Variants in FLNB observed in about 807,000 individuals in gnomAD.
FLNB encodes the protein filamin-B.
A neutral mutation model predicts 250.6 loss-of-function variants in FLNB; 111 were observed. The ratio of observed to expected loss-of-function variants is 0.44; its 90% CI spans 0.38 to 0.52. The LOEUF is 0.52. Ranked by LOEUF, FLNB falls within the 20% of genes least tolerant of loss-of-function variation. The pLI is 0.00. For missense variants in FLNB, 2,869 were observed against 3,447.8 expected (o/e 0.83, Z 4.20); for synonymous variants, 1,302 against 1,372.1 (o/e 0.95, Z 1.13).
intron 4 of FLNB, among the ~76,000 whole-genome samples, chr3:58,092,946 T>C (rs2097230672): frequency 6.6e-6 from 1 of 152,238 alleles, no homozygotes; most frequent in Admixed American, 6.5e-5. Context: ...CCTTCAATTC[T>C]GACACTATCT....
intron 31 of FLNB, 84 bp from the exon 32 acceptor site, chr3:58,143,389 T>G (rs191160290): frequency 1.3e-6 from 2 of 1,483,408 alleles, no homozygotes; most frequent in African/African-American, 1.4e-5. Context: ...AACCTTTATT[T>G]TGAATACATC....
Position 58,121,466 on chromosome 3 carries a change from A to C in FLNB, c.3089A>C (p.Tyr1030Ser). The change falls in exon 20 of 46, where the codon TAC becomes TCC. Residue 1030 changes from tyrosine (Y) to serine (S), a missense_variant. Around this residue, in one of 5 missense-constraint regions of FLNB, gnomAD observed 1,348 missense variants for 1,466.7 expected, o/e 0.92. Coordinates refer to ENST00000295956, the MANE Select transcript of FLNB (RefSeq NM_001457.4). ...GGACACCCTGTGCCCGGGAGCCCCT[A>C]CACAGTGGAGGCCTCGCTGCCACCA... ...YDGHPVPGSP[Y>S]TVEASLPPDP... is the part of the protein sequence containing the mutation. 1 of 1,614,118 alleles carries C rather than the reference A, an allele frequency of 6.2e-7. No individual in the cohort carries two copies. Among genetic ancestry groups the C allele is most frequent in the Non-Finnish European group, 8.5e-7 (1 of 1,180,024 alleles).
chr3:58,015,949 T>C (rs766743946), intron 1 of FLNB, among the ~76,000 whole-genome samples: 15 of 151,936 alleles, frequency 9.9e-5, no homozygotes, highest in Non-Finnish European at 2.1e-4. Flanking sequence ...AGTTTAGAGG[T>C]CTTGATGCTC....
chr3:58,008,456 G>A lies in FLNB; in HGVS notation c.-109G>A. 2 of 1,360,866 alleles carry A rather than the reference G, an allele frequency of 1.5e-6. No homozygotes were observed. Among genetic ancestry groups the A allele is most frequent in the African/African-American group, 2.9e-5 (2 of 69,496 alleles). 84.3% of individuals were successfully genotyped at this position (1,360,866 alleles called of 1,614,324 possible). On this transcript the variant is annotated 5_prime_UTR_variant, in exon 1 of 46. Transcript: ENST00000295956. ...CCGGCCGTGGCTCCGGTAGCAGCAAGTTCGAACCCCGCTCCCGCTCCGCTT... is the reference window on the plus strand; with the variant it reads ...CCGGCCGTGGCTCCGGTAGCAGCAAATTCGAACCCCGCTCCCGCTCCGCTT...
intron 1 of FLNB, among the ~76,000 whole-genome samples, chr3:58,053,032 C>CTAT (rs2097164903): frequency 1.3e-5 from 2 of 152,138 alleles, no homozygotes; most frequent in Non-Finnish European, 2.9e-5. Context: ...TAGACATTGT[C>CTAT]AGCCCATTTT....
chr3:58,102,125 T>G (rs1576720283), intron 8 of FLNB, 78 bp from the exon 9 acceptor site: 17 of 1,540,308 alleles, frequency 1.1e-5, no homozygotes, highest in East Asian at 6.8e-5. Context: ...TCTTGGCGGG[T>G]GGCTCCAGGT....
At position 58,138,477 on chromosome 3, in the gene FLNB, T is replaced by C; in HGVS notation, c.5057T>C (p.Ile1686Thr). ...GCTGCCAAGCCGGGCACATATGTGATCTATGTGCGCTTCGGTGGTGTTGAT... is the reference window on the plus strand; with the variant it reads ...GCTGCCAAGCCGGGCACATATGTGACCTATGTGCGCTTCGGTGGTGTTGAT... ...YTAAKPGTYV[I>T]YVRFGGVDIP... Residue 1686 changes from isoleucine (I) to threonine (T), a missense_variant, in exon 29 of 46, where the codon ATC (isoleucine) becomes ACC (threonine). This residue lies in a region of FLNB where 1,084 missense variants were observed against 1,315.5 expected (regional missense o/e 0.82). Coordinates refer to ENST00000295956, the MANE Select transcript of FLNB (RefSeq NM_001457.4). The C allele has an allele frequency of 6.2e-7, 1 of 1,613,996 alleles. No individual in the cohort carries two copies. Among genetic ancestry groups the C allele is most frequent in the Non-Finnish European group, 8.5e-7 (1 of 1,179,826 alleles).
rs1400090647 is a variant in FLNB, at chr3:58,097,869, G to A, written c.1039G>A (p.Val347Ile). Residue 347 changes from valine (V) to isoleucine (I), a missense_variant, in exon 7 of 46, where the codon GTT (valine) becomes ATT (isoleucine). Around this residue, in one of 5 missense-constraint regions of FLNB, gnomAD observed 308 missense variants for 466.1 expected, o/e 0.66. Coordinates refer to ENST00000295956, the MANE Select transcript of FLNB (RefSeq NM_001457.4). ...CTCCAAGAGCCCATTTGAAGTGAGT[G>A]TTGACAAGGCCCAGGGAGATGCCAG... ...HISKSPFEVS[V>I]DKAQGDASKV... The A allele has an allele frequency of 1.2e-6, 2 of 1,614,044 alleles. No individual in the cohort carries two copies. The highest frequency in any genetic ancestry group is 1.3e-5 in the African/African-American group (1 of 74,914).
rs542379363 is a variant in FLNB at position 58,142,142 on chromosome 3, C to T, written c.5181+213C>T. ...CCGTGCTCCACGAATCGCCAGCCGT[C>T]GTGTCTGTGATCACGCTCGGTGCAG... On this transcript the variant is annotated intron_variant, in intron 30 of 45. Coordinates refer to ENST00000295956, the MANE Select transcript of FLNB (RefSeq NM_001457.4). The surrounding 1 kb of genome is among the most constrained non-coding windows in gnomAD (Gnocchi z 4.3). Among the ~76,000 whole-genome samples the T allele has an allele frequency of 1.3e-5, 2 of 152,290 alleles. No homozygotes were observed. Among genetic ancestry groups the T allele is most frequent in the South Asian group, 2.1e-4 (1 of 4,816 alleles).
Position 58,136,003 on chromosome 3 carries a change from G to A in FLNB, c.4696G>A (p.Ala1566Thr). 1 of 1,614,154 alleles carries A rather than the reference G, an allele frequency of 6.2e-7. No individual in the cohort carries two copies. Among genetic ancestry groups the A allele is most frequent in the Non-Finnish European group, 8.5e-7 (1 of 1,180,016 alleles). ...GGACCAAGAAGGAAAACCCAAAAGA[G>A]CCATTGTCCATGACAATAAAGATGG... ...ITDQEGKPKRAIVHDNKDGTY... is the reference protein window; with the variant it reads ...ITDQEGKPKRTIVHDNKDGTY... The change falls in exon 28 of 46, where the codon GCC becomes ACC. Residue 1566 changes from alanine to threonine, a missense_variant. Ala to Thr is a moderately conservative substitution (Grantham distance 58). Transcript: ENST00000295956.
intron 1 of FLNB, among the ~76,000 whole-genome samples, chr3:58,067,582 T>TG (rs1367998689): frequency 8.7e-5 from 10 of 115,036 alleles, no homozygotes; most frequent in African/African-American, 1.2e-4. Context: ...GTTTTTTTTG[T>TG]TTGTTTTTTT....
At chr3:58,078,358 G>T in intron 2 of FLNB, 1 of 1,490,356 alleles carries the variant, frequency 6.7e-7, no homozygotes, top group Non-Finnish European at 8.9e-7. Context: ...TGCTATTCTA[G>T]ACTTTTTAGA....
intron 24 of FLNB, 59 bp from the exon 25 acceptor site, chr3:58,130,682 T>G: frequency 6.4e-7 from 1 of 1,563,764 alleles, no homozygotes; most frequent in South Asian, 1.2e-5. Context: ...ATTCTGGGTG[T>G]GCACAAGGTG....
rs758406599 is a variant in FLNB at position 58,146,871 on chromosome 3, T to A, written c.5606T>A (p.Ile1869Asn). Residue 1869 changes from isoleucine to asparagine, a missense_variant, in exon 34 of 46, where the codon ATT becomes AAT. Physicochemically the swap from Ile to Asn is moderately radical, Grantham distance 149 (BLOSUM62 -3). Coordinates refer to ENST00000295956, the MANE Select transcript of FLNB (RefSeq NM_001457.4). Reference protein sequence around the residue: ...EGPSKAEISCIDNKDGTCTVT... With the variant: ...EGPSKAEISCNDNKDGTCTVT... ...CCCTCAAAAGCAGAAATCAGCTGCA[T>A]TGACAATAAAGATGGGACATGCACA... 6.2e-7 allele frequency: 1 copy of A among 1,614,090 alleles called. No individual in the cohort carries two copies. The highest frequency in any genetic ancestry group is 8.5e-7 in the Non-Finnish European group (1 of 1,180,042).
At chr3:58,148,431 T>G in intron 35 of FLNB, 67 bp downstream of exon 35, 1 of 1,553,812 alleles carries the variant, frequency 6.4e-7, no homozygotes, top group Non-Finnish European at 8.8e-7. Flanking sequence ...ACTCTTGCAG[T>G]CCTTTCTTGG....
chr3:58,102,445 A>G, intron 9 of FLNB, 105 bp downstream of exon 9: 1 of 1,300,404 alleles, frequency 7.7e-7, no homozygotes, highest in Non-Finnish European at 1.1e-6. Context: ...TAATCCCAGA[A>G]GGCTATGTCA....
At chr3:58,145,207 T>G (rs941479531) in intron 32 of FLNB, among the ~76,000 whole-genome samples, 1 of 152,258 alleles carries the variant, frequency 6.6e-6, no homozygotes, top group African/African-American at 2.4e-5. Flanking sequence ...CAGATGTTTC[T>G]CTCTGTATCT....
intron 18 of FLNB, among the ~76,000 whole-genome samples, chr3:58,114,412 A>C (rs2097274366): frequency 6.6e-6 from 1 of 152,224 alleles, no homozygotes; most frequent in South Asian, 2.1e-4. Flanking sequence ...CTGGGATTAT[A>C]GGCATGAGCC....
chr3:58,114,246 C>T (rs780261779), intron 18 of FLNB, among the ~76,000 whole-genome samples: 7 of 152,180 alleles, frequency 4.6e-5, no homozygotes, highest in South Asian at 2.1e-4. Flanking sequence ...GCTGGAAGTA[C>T]AGGCACGTGC....
Sources: gnomAD v4.1 joint callset for allele counts (sites outside exome capture counted in the v4.1 genomes callset) on GRCh38, gnomAD v4.1.1 for gene constraint, gnomAD v4.1.1 regional missense constraint, Gnocchi (gnomAD v3.1) non-coding constraint, MANE v1.5 for transcripts, NCBI Gene and HGNC (gene_info 2026-07-23, HGNC 2026-07-21) for gene names.